The following SYNPR variants were observed in gnomAD, a reference collection of about 807,000 sequenced individuals.
SYNPR encodes the protein synaptoporin.
In SYNPR, 23 loss-of-function variants were observed where a neutral mutation model predicts 32.9. The observed-to-expected ratio is 0.70, with a 90% confidence interval of 0.50 to 0.99. The LOEUF (loss-of-function observed/expected upper bound fraction) is 0.99. SYNPR is among the 50% of genes least tolerant of loss of function. The probability of loss-of-function intolerance (pLI) is 0.00; values close to 1 mark genes in which losing one functional copy is unlikely to be tolerated. For missense variants in SYNPR, 318 were observed against 349.3 expected (o/e 0.91, Z 0.71); for synonymous variants, 146 against 135.9 (o/e 1.07, Z -0.52).
chr3:63,445,602 C>T, intron 2 of SYNPR: 1 of 688,786 alleles, frequency 1.5e-6, no homozygotes, highest in South Asian at 1.5e-5. Context: ...ATGCCTGGCA[C>T]TGTGCTAAGC....
At chr3:63,408,742 C>T (rs2088422300) in intron 2 of SYNPR, among the ~76,000 whole-genome samples, 1 of 152,170 alleles carries the variant, frequency 6.6e-6, no homozygotes, top group South Asian at 2.1e-4. Flanking sequence ...TGCCTGCTCA[C>T]ATGGGGCAAG....
the SYNPR span, among the ~76,000 whole-genome samples, chr3:63,207,758 C>A: frequency 6.6e-6 from 1 of 152,054 alleles, no homozygotes; most frequent in Admixed American, 6.6e-5. Flanking sequence ...ATCTCCTGTC[C>A]AGTTACCATC....
chr3:63,363,615 C>G (rs1255646318), intron 2 of SYNPR, among the ~76,000 whole-genome samples: 2 of 152,164 alleles, frequency 1.3e-5, no homozygotes, highest in African/African-American at 4.8e-5. Flanking sequence ...ATCTCTGATC[C>G]TCGTTTTCTT....
At chr3:63,583,803 C>T (rs35502031) in intron 4 of SYNPR, among the ~76,000 whole-genome samples, 17,450 of 152,072 alleles carry the variant, frequency 0.11, 1,065 homozygotes, top group Non-Finnish European at 0.13. Flanking sequence ...TACCCTTTTC[C>T]CATAGGTGTG....
At chr3:63,349,381 C>T (rs572783094) in intron 2 of SYNPR, among the ~76,000 whole-genome samples, 7 of 152,144 alleles carry the variant, frequency 4.6e-5, no homozygotes, top group African/African-American at 7.2e-5. Context: ...ATTACAGGCG[C>T]GAGCCACCGC....
intron 2 of SYNPR, among the ~76,000 whole-genome samples, chr3:63,300,492 C>G (rs2086833931): frequency 1.3e-5 from 2 of 152,092 alleles, no homozygotes; most frequent in South Asian, 4.1e-4. Flanking sequence ...TTGTTGGTCC[C>G]CTGCTCAGAT....
At chr3:63,415,242 A>G (rs2088525142) in intron 2 of SYNPR, among the ~76,000 whole-genome samples, 1 of 152,236 alleles carries the variant, frequency 6.6e-6, no homozygotes, top group Middle Eastern at 3.2e-3. Flanking sequence ...ACAGCATTCA[A>G]CAACAGCATG....
chr3:63,398,380 G>A (rs1175046280), intron 2 of SYNPR, among the ~76,000 whole-genome samples: 2 of 152,118 alleles, frequency 1.3e-5, no homozygotes, highest in African/African-American at 4.8e-5. Flanking sequence ...TTTATTCTCT[G>A]CCATGTCAAA....
At chr3:63,256,617 G>C (rs1190899788) in intron 2 of SYNPR, among the ~76,000 whole-genome samples, 1 of 152,182 alleles carries the variant, frequency 6.6e-6, no homozygotes, top group African/African-American at 2.4e-5. Context: ...CAAAGATGGA[G>C]AAAAAACAGA....
intron 2 of SYNPR, among the ~76,000 whole-genome samples, chr3:63,469,405 C>G (rs1390871174): frequency 6.6e-6 from 1 of 152,084 alleles, no homozygotes; most frequent in Non-Finnish European, 1.5e-5. Context: ...GTTAAGGTAT[C>G]TATCATCACT....
chr3:63,290,493 C>A (rs2086728240), intron 2 of SYNPR, among the ~76,000 whole-genome samples: 1 of 152,178 alleles, frequency 6.6e-6, no homozygotes, highest in South Asian at 2.1e-4. Flanking sequence ...GATGTTCATA[C>A]CTTCTCAGTG....
At chr3:63,485,500 G>T (rs966101884) in intron 3 of SYNPR, among the ~76,000 whole-genome samples, 10 of 152,286 alleles carry the variant, frequency 6.6e-5, no homozygotes, top group African/African-American at 2.4e-4. Context: ...GTTATTAAAA[G>T]CTTTCATGGG....
Position 63,511,820 on chromosome 3 carries a change from T to C in SYNPR, c.209+30864T>C, listed in dbSNP as rs1024372078. Among the ~76,000 whole-genome samples, 6 of 152,152 alleles carry C rather than the reference T, an allele frequency of 3.9e-5. No individual in the cohort carries two copies. The South Asian group carries it at 1.2e-3, about 31-fold the overall frequency. On this transcript the variant is annotated intron_variant, in intron 3 of 5. Coordinates refer to ENST00000478300, the MANE Select transcript of SYNPR (RefSeq NM_001130003.2). ...AGGTTTCTGCTGCTTTAATTAGACC[T>C]TGGAGCCCTGAAGGAGCTTACTTTT...
chr3:63,609,442 A>G, intron 5 of SYNPR, 126 bp downstream of exon 5: 16 of 737,276 alleles, frequency 2.2e-5, no homozygotes, highest in Non-Finnish European at 3.3e-5. Flanking sequence ...AAAAGGTGAG[A>G]TACTTCACCT....
chr3:63,202,040 A>T, the SYNPR span, among the ~76,000 whole-genome samples: 1 of 152,128 alleles, frequency 6.6e-6, no homozygotes, highest in Non-Finnish European at 1.5e-5. Flanking sequence ...GAGTTCAGTA[A>T]GTTTTTTAAA....
intron 3 of SYNPR, among the ~76,000 whole-genome samples, chr3:63,504,252 G>T (rs1440678479): frequency 1.3e-5 from 2 of 152,094 alleles, no homozygotes; most frequent in East Asian, 1.9e-4. Context: ...TAAGCTAAGA[G>T]TCAACACGAA....
intron 2 of SYNPR, among the ~76,000 whole-genome samples, chr3:63,359,968 G>A (rs1231638328): frequency 6.6e-6 from 1 of 152,128 alleles, no homozygotes; most frequent in Non-Finnish European, 1.5e-5. Context: ...AGCCCTAGTG[G>A]TTTATCAAGA....
At chr3:63,373,869 T>C (rs555135508) in intron 2 of SYNPR, among the ~76,000 whole-genome samples, 68 of 152,336 alleles carry the variant, frequency 4.5e-4, no homozygotes, top group African/African-American at 1.4e-3. Context: ...CGCATCAGGC[T>C]AACAGTGGAC....
At position 63,452,878 on chromosome 3, in the gene SYNPR, G is replaced by T. The variant is rs74937279; in HGVS notation, c.85-27954G>T. 7.6e-3 allele frequency among the ~76,000 whole-genome samples: 1,158 copies of T among 152,164 alleles called. 45 individuals carry two copies. In the East Asian group the frequency reaches 0.11, roughly 15 times the overall value. On this transcript the variant is annotated intron_variant, in intron 2 of 5. Coordinates refer to ENST00000478300, the MANE Select transcript of SYNPR (RefSeq NM_001130003.2). ...ACTGGTAAAATGGAGGGAAAAAATG[G>T]ATCTTTTTATGTGTATCTCAATTAG...
Sources: gnomAD v4.1 joint callset for allele counts (sites outside exome capture counted in the v4.1 genomes callset) on GRCh38, gnomAD v4.1.1 for gene constraint, MANE v1.5 for transcripts, NCBI Gene and HGNC (gene_info 2026-07-23, HGNC 2026-07-21) for gene names.